LHFPL2: variants seen among roughly 807,000 people sequenced by gnomAD.
The protein encoded by LHFPL2 is LHFPL tetraspan subfamily member 2, also known as LHFPL tetraspan subfamily member 2 protein.
In LHFPL2, 7 loss-of-function variants were observed where a neutral mutation model predicts 17.5. The observed-to-expected ratio is 0.40, with a 90% CI of 0.23 to 0.75. The LOEUF (loss-of-function observed/expected upper bound fraction) is 0.75, where lower values mean the gene tolerates loss of function less well. Among genes scored for constraint, LHFPL2 ranks in the 30% least tolerant of loss-of-function variants. The pLI is 0.37. For synonymous variants in LHFPL2, 134 were observed against 116.2 expected (o/e 1.15, Z -0.99); for missense variants, 241 against 294.8 (o/e 0.82, Z 1.34).
chr5:78,578,023 TTC>T (rs1394137585), intron 2 of LHFPL2, among the ~76,000 whole-genome samples: 1 of 152,226 alleles, frequency 6.6e-6, no homozygotes, highest in Non-Finnish European at 1.5e-5. Context: ...ACTCTTCTCT[TTC>T]TCTTTCCTTG....
rs1755054689 is a variant in LHFPL2 at position 78,509,959 on chromosome 5, G to A, written c.255C>T (p.Tyr85=). Residue 85 remains tyrosine, a synonymous_variant, in exon 4 of 5, where the codon TAC becomes TAT. Transcript: ENST00000380345. ...HFQRDTLCGP[Y]AESFGEIASG... is the part of the protein sequence containing the mutation. ...TGGCGATCTCGCCGAAGCTCTCGGC[G>A]TAGGGCCCGCACAGCGTGTCCCGCT... 1 of 1,613,882 alleles carries A rather than the reference G, an allele frequency of 6.2e-7. No homozygotes were observed. Among genetic ancestry groups the A allele is most frequent in the Non-Finnish European group, 8.5e-7 (1 of 1,180,014 alleles).
chr5:78,628,715 G>A (rs575746302), intron 2 of LHFPL2, among the ~76,000 whole-genome samples: 48 of 152,350 alleles, frequency 3.2e-4, no homozygotes, highest in Middle Eastern at 3.4e-3. Flanking sequence ...CGGGAACAAG[G>A]AGAATGAGAA....
intron 3 of LHFPL2, among the ~76,000 whole-genome samples, chr5:78,523,944 G>C (rs1340850548): frequency 6.8e-6 from 1 of 147,696 alleles, no homozygotes; most frequent in Non-Finnish European, 1.5e-5. Flanking sequence ...GGGCTGGGCA[G>C]GGGGCTGAGG....
rs569279079 is a variant in LHFPL2, at chr5:78,544,794, CAG to C, written c.-186+20017_-186+20018del. Among the ~76,000 whole-genome samples the C allele has an allele frequency of 2.5e-4, 38 of 151,520 alleles. No individual in the cohort carries two copies. The South Asian group carries it at 6.9e-3, about 27-fold the overall frequency. On this transcript the variant is annotated intron_variant, in intron 3 of 4. Transcript: ENST00000380345. ...ACGTATACACACACACACCCCAAAA[CAG>C]AAAAAAAAATCCAGCTGAAATGAAC...
intron 1 of LHFPL2, chr5:78,644,725 G>C: frequency 4.1e-6 from 1 of 242,414 alleles, no homozygotes; most frequent in Non-Finnish European, 8.5e-6. Flanking sequence ...GCATTTCTTA[G>C]AAAACTCTGA....
At chr5:78,630,118 T>G (rs1395943344) in intron 2 of LHFPL2, among the ~76,000 whole-genome samples, 5 of 152,198 alleles carry the variant, frequency 3.3e-5, no homozygotes, top group African/African-American at 1.2e-4. Flanking sequence ...GCCGGGCAGC[T>G]CAATAACTTG....
chr5:78,578,782 T>C (rs556834486), intron 2 of LHFPL2, among the ~76,000 whole-genome samples: 4 of 152,362 alleles, frequency 2.6e-5, no homozygotes, highest in African/African-American at 7.2e-5. Flanking sequence ...TACAAGGTTT[T>C]TGACAACATT....
chr5:78,515,057 C>T (rs1030347333), intron 3 of LHFPL2, among the ~76,000 whole-genome samples: 17 of 152,262 alleles, frequency 1.1e-4, no homozygotes, highest in South Asian at 4.2e-4. Context: ...AAAATAAGAA[C>T]ATTTTCCTAT....
intron 2 of LHFPL2, among the ~76,000 whole-genome samples, chr5:78,618,638 T>G (rs1193373985): frequency 6.6e-6 from 1 of 152,238 alleles, no homozygotes; most frequent in Non-Finnish European, 1.5e-5. Flanking sequence ...CTGCATGGCT[T>G]TCTGTGACTG....
intron 2 of LHFPL2, among the ~76,000 whole-genome samples, chr5:78,582,657 G>C (rs1389646455): frequency 1.3e-5 from 2 of 152,124 alleles, no homozygotes; most frequent in Non-Finnish European, 2.9e-5. Context: ...GAGACAGTTT[G>C]TTATAATTCC....
intron 2 of LHFPL2, among the ~76,000 whole-genome samples, chr5:78,566,694 G>A (rs1756868384): frequency 6.6e-6 from 1 of 152,196 alleles, no homozygotes; most frequent in Non-Finnish European, 1.5e-5. Flanking sequence ...CTGACCTCAA[G>A]TGATCCACCC....
At chr5:78,622,249 T>C (rs989928067) in intron 2 of LHFPL2, among the ~76,000 whole-genome samples, 1 of 152,062 alleles carries the variant, frequency 6.6e-6, no homozygotes, top group African/African-American at 2.4e-5. Flanking sequence ...ACCTAAACGC[T>C]CTGAGCACCT....
chr5:78,504,107 G>A (rs1370634914), intron 4 of LHFPL2, among the ~76,000 whole-genome samples: 5 of 152,172 alleles, frequency 3.3e-5, no homozygotes, highest in Non-Finnish European at 7.3e-5. Flanking sequence ...ATTCAGACAC[G>A]GAACTGTTGG....
intron 3 of LHFPL2, among the ~76,000 whole-genome samples, chr5:78,525,008 A>C (rs529314225): frequency 6.6e-6 from 1 of 152,348 alleles, no homozygotes; most frequent in South Asian, 2.1e-4. Context: ...CAGTACTTCT[A>C]ACACTTGGGG....
chr5:78,510,270 A>C lies in LHFPL2; in HGVS notation c.-57T>G. On this transcript the variant is annotated 5_prime_UTR_variant, in exon 4 of 5. Coordinates refer to ENST00000380345, the MANE Select transcript of LHFPL2 (RefSeq NM_005779.3). ...GTCCACGGAGTTAATCAAAACAAGA[A>C]AGTCGGTGGGGAAGGAGGCTCGGGC... 3.4e-6 allele frequency: 5 copies of C among 1,477,588 alleles called. No homozygotes were observed. The highest frequency in any genetic ancestry group is 4.5e-6 in the Non-Finnish European group (5 of 1,103,296). The allele number at this position is 1,477,588 out of a possible 1,614,324, so 91.5% of individuals were successfully genotyped here. A position where few individuals can be genotyped will look rare whatever the true frequency, so the allele number is the denominator to read the frequency against.
At chr5:78,606,483 C>T (rs1041200266) in intron 2 of LHFPL2, among the ~76,000 whole-genome samples, 1 of 152,174 alleles carries the variant, frequency 6.6e-6, no homozygotes, top group African/African-American at 2.4e-5. Flanking sequence ...TATTAAAAGG[C>T]ACTAATGGAA....
At chr5:78,510,770 G>A (rs777779523) in intron 3 of LHFPL2, among the ~76,000 whole-genome samples, 2 of 152,220 alleles carry the variant, frequency 1.3e-5, no homozygotes, top group Non-Finnish European at 2.9e-5. Context: ...CAGAGAGGAG[G>A]AGGCAAGACT....
At chr5:78,501,886 G>A (rs946055262) in intron 4 of LHFPL2, among the ~76,000 whole-genome samples, 2 of 152,078 alleles carry the variant, frequency 1.3e-5, no homozygotes, top group Non-Finnish European at 2.9e-5. Flanking sequence ...TTGAGAGCAG[G>A]TATCTACATG....
chr5:78,527,714 T>C (rs1227346655), intron 3 of LHFPL2, among the ~76,000 whole-genome samples: 2 of 152,222 alleles, frequency 1.3e-5, no homozygotes, highest in African/African-American at 4.8e-5. Flanking sequence ...AATTTTCAAC[T>C]TGTAATATTA....
Sources: allele counts gnomAD v4.1 joint callset (sites outside exome capture counted in the v4.1 genomes callset), GRCh38; gene constraint gnomAD v4.1.1; transcripts MANE v1.5; gene names NCBI Gene and HGNC (gene_info 2026-07-23, HGNC 2026-07-21).